Variants in MACROD2 observed in about 807,000 individuals in gnomAD.
MACROD2 encodes the protein ADP-ribose glycohydrolase MACROD2.
MACROD2 carries 36 observed loss-of-function variants against 70.4 expected under a neutral mutation model. That is an observed-to-expected ratio of 0.51 (90% CI 0.39 to 0.68). The LOEUF (loss-of-function observed/expected upper bound fraction) is 0.68. Among genes scored for constraint, MACROD2 ranks in the 30% least tolerant of loss-of-function variants. MACROD2 has a pLI of 0.00. For synonymous variants in MACROD2, 172 were observed against 178.8 expected (o/e 0.96, Z 0.30); for missense variants, 496 against 538.4 (o/e 0.92, Z 0.78).
At chr20:14,639,646 A>G (rs1157864920) in intron 4 of MACROD2, among the ~76,000 whole-genome samples, 6 of 152,190 alleles carry the variant, frequency 3.9e-5, no homozygotes, top group African/African-American at 1.4e-4. Flanking sequence ...CCATCATTCA[A>G]TGAAAGTCTA....
intron 16 of MACROD2, among the ~76,000 whole-genome samples, chr20:16,043,208 G>T (rs1289351680): frequency 6.6e-6 from 1 of 152,028 alleles, no homozygotes; most frequent in Non-Finnish European, 1.5e-5. Context: ...AGCTGGACAT[G>T]GCTAACTAGA....
chr20:15,236,993 G>A (rs2077019036), intron 6 of MACROD2, among the ~76,000 whole-genome samples: 1 of 152,082 alleles, frequency 6.6e-6, no homozygotes, highest in Non-Finnish European at 1.5e-5. Flanking sequence ...TGTGAGGGTG[G>A]TTTTGGGCAG....
chr20:15,739,310 A>C (rs2051069796), intron 8 of MACROD2, among the ~76,000 whole-genome samples: 2 of 152,160 alleles, frequency 1.3e-5, no homozygotes, highest in Admixed American at 1.3e-4. Flanking sequence ...CACAATTGTA[A>C]ATAATTTGGA....
At chr20:14,602,637 A>C (rs1224596007) in intron 4 of MACROD2, among the ~76,000 whole-genome samples, 1 of 152,222 alleles carries the variant, frequency 6.6e-6, no homozygotes, top group Non-Finnish European at 1.5e-5. Flanking sequence ...CTCTGTAACT[A>C]AGATTTCACC....
chr20:14,357,241 A>G (rs1478785232), intron 3 of MACROD2, among the ~76,000 whole-genome samples: 1 of 152,232 alleles, frequency 6.6e-6, no homozygotes, highest in Non-Finnish European at 1.5e-5. Flanking sequence ...TAGATAACAT[A>G]ATATGCTTGG....
In MACROD2 at chr20:14,787,094, A is replaced by T. The variant is rs6042921; in HGVS notation, c.418+102135A>T. Among the ~76,000 whole-genome samples, 494 of 152,210 alleles carry T rather than the reference A, an allele frequency of 3.2e-3. 6 individuals carry two copies. Among genetic ancestry groups the T allele is most frequent in the African/African-American group, 0.011 (468 of 41,488 alleles). ...TGATGATCATTGCTACCAAGAATTT[A>T]TTTATTTCTCATTTTTGATCTGTCA... On this transcript the variant is annotated intron_variant, in intron 5 of 17. Transcript: ENST00000684519.
At chr20:15,675,185 G>A (rs1369174271) in intron 8 of MACROD2, among the ~76,000 whole-genome samples, 1 of 152,158 alleles carries the variant, frequency 6.6e-6, no homozygotes, top group Non-Finnish European at 1.5e-5. Context: ...TGAAGTTTTT[G>A]CCAATAAATT....
chr20:14,578,550 C>A (rs1008300281), intron 4 of MACROD2, among the ~76,000 whole-genome samples: 3 of 152,062 alleles, frequency 2.0e-5, no homozygotes, highest in Non-Finnish European at 2.9e-5. Flanking sequence ...TAACTCAGGG[C>A]CCTTCATTCC....
intron 13 of MACROD2, among the ~76,000 whole-genome samples, chr20:15,983,610 T>C (rs1345960260): frequency 6.6e-6 from 1 of 152,124 alleles, no homozygotes; most frequent in East Asian, 1.9e-4. Context: ...GCAGGGACTT[T>C]GGGATATAGC....
At chr20:14,118,245 T>G (rs574772577) in intron 3 of MACROD2, among the ~76,000 whole-genome samples, 1 of 152,328 alleles carries the variant, frequency 6.6e-6, no homozygotes, top group African/African-American at 2.4e-5. Context: ...TAATTGCATC[T>G]ACTGAAGATT....
intron 8 of MACROD2, among the ~76,000 whole-genome samples, chr20:15,804,189 G>A (rs2063749637): frequency 6.6e-6 from 1 of 152,152 alleles, no homozygotes; most frequent in African/African-American, 2.4e-5. Context: ...TCTTAAAGTT[G>A]GCATTTGATA....
At chr20:15,125,570 G>A (rs139903702) in intron 5 of MACROD2, among the ~76,000 whole-genome samples, 3 of 152,126 alleles carry the variant, frequency 2.0e-5, no homozygotes, top group African/African-American at 7.2e-5. Context: ...GGTTATATTA[G>A]CAATGTTTTA....
At chr20:15,201,281 C>G (rs2076653870) in intron 5 of MACROD2, among the ~76,000 whole-genome samples, 1 of 151,920 alleles carries the variant, frequency 6.6e-6, no homozygotes, top group Non-Finnish European at 1.5e-5. Context: ...ATGATGAGTG[C>G]CCCCCTCCCC....
intron 5 of MACROD2, among the ~76,000 whole-genome samples, chr20:14,861,418 A>G (rs573464034): frequency 3.5e-4 from 53 of 152,226 alleles, no homozygotes; most frequent in Middle Eastern, 3.4e-3. Flanking sequence ...ATCAAGACAC[A>G]GTCATAGAAA....
intron 3 of MACROD2, among the ~76,000 whole-genome samples, chr20:14,489,883 CAG>C (rs1355992067): frequency 1.4e-5 from 2 of 145,876 alleles, no homozygotes; most frequent in African/African-American, 5.1e-5. Context: ...TTTTAAAAGA[CAG>C]AGTCTTGCTC....
chr20:15,636,090 AAAGAAAGAAAAG>A (rs2049362300), intron 8 of MACROD2, among the ~76,000 whole-genome samples: 5 of 116,922 alleles, frequency 4.3e-5, no homozygotes, highest in Non-Finnish European at 7.4e-5. Flanking sequence ...AAAAAAAAAA[AAAGAAAGAAAAG>A]AAAAGAAAAA....
intron 17 of MACROD2, among the ~76,000 whole-genome samples, chr20:16,046,085 C>G (rs1165987948): frequency 6.6e-6 from 1 of 152,130 alleles, no homozygotes; most frequent in East Asian, 1.9e-4. Flanking sequence ...CCCCCTGTAC[C>G]TCCTTGCACT....
intron 5 of MACROD2, among the ~76,000 whole-genome samples, chr20:15,202,921 C>T (rs1342621723): frequency 1.3e-5 from 2 of 152,112 alleles, no homozygotes; most frequent in African/African-American, 4.8e-5. Flanking sequence ...ACCACATCTA[C>T]TGGCATGGAC....
intron 13 of MACROD2, 55 bp from the exon 14 acceptor site, chr20:15,986,672 A>G (rs2066487801): frequency 7.2e-7 from 1 of 1,387,272 alleles, no homozygotes; most frequent in Non-Finnish European, 1.0e-6. Flanking sequence ...TCAGGAATAA[A>G]GCTACGGTCA....
Sources: allele counts gnomAD v4.1 joint callset (sites outside exome capture counted in the v4.1 genomes callset), GRCh38; gene constraint gnomAD v4.1.1; transcripts MANE v1.5; gene names NCBI Gene and HGNC (gene_info 2026-07-23, HGNC 2026-07-21).